Variants in CDA observed in about 807,000 individuals in gnomAD.
CDA encodes cytidine aminohydrolase.
In CDA, 7 loss-of-function variants were observed where a neutral mutation model predicts 15.0. That is an observed-to-expected ratio of 0.47 (90% CI 0.26 to 0.87). The LOEUF is 0.87. Ranked by LOEUF, CDA falls within the 40% of genes least tolerant of loss-of-function variation. CDA has a pLI of 0.15. For missense variants in CDA, 159 were observed against 182.7 expected, an observed-to-expected ratio of 0.87 and a Z score of 0.75; for synonymous variants, 58 against 73.0, an observed-to-expected ratio of 0.79 and a Z score of 1.05.
intron 1 of CDA, among the ~76,000 whole-genome samples, chr1:20,600,131 G>C (rs2052628585): frequency 6.6e-6 from 1 of 152,210 alleles, no homozygotes; most frequent in South Asian, 2.1e-4. Context: ...AGTAAAGGAA[G>C]ATTTCTGTCT....
intron 1 of CDA, among the ~76,000 whole-genome samples, chr1:20,601,724 C>T (rs542630910): frequency 6.6e-6 from 1 of 152,162 alleles, no homozygotes; most frequent in South Asian, 2.1e-4. Flanking sequence ...AATGAAGGGA[C>T]CAGAAAATAT....
chr1:20,591,059 G>A (rs979150484), intron 1 of CDA, among the ~76,000 whole-genome samples: 5 of 152,198 alleles, frequency 3.3e-5, no homozygotes, highest in Admixed American at 1.3e-4. Flanking sequence ...ACCCACAATA[G>A]TCGGGCATGG....
intron 3 of CDA, among the ~76,000 whole-genome samples, chr1:20,616,042 C>T (rs533805900): frequency 2.6e-5 from 4 of 152,024 alleles, no homozygotes. Flanking sequence ...AATCCCCTCC[C>T]CAAGACTGAG....
chr1:20,617,328 G>T (rs922043974), intron 3 of CDA, among the ~76,000 whole-genome samples: 3 of 152,190 alleles, frequency 2.0e-5, no homozygotes, highest in African/African-American at 4.8e-5. Context: ...CATCATGATA[G>T]CACCTACCTC....
chr1:20,603,036 G>T (rs533537487), intron 1 of CDA, among the ~76,000 whole-genome samples: 1 of 152,318 alleles, frequency 6.6e-6, no homozygotes, highest in Admixed American at 6.5e-5. Flanking sequence ...AAATTTCAGT[G>T]GTGGGTACCA....
chr1:20,610,310 A>ATTT (rs139325059), intron 2 of CDA, among the ~76,000 whole-genome samples: 1 of 129,250 alleles, frequency 7.7e-6, no homozygotes, highest in Non-Finnish European at 1.6e-5. Flanking sequence ...ATTTATTTTT[A>ATTT]TTTTTTTTTG....
chr1:20,612,414 C>T (rs1348075464), intron 2 of CDA, among the ~76,000 whole-genome samples: 6 of 119,920 alleles, frequency 5.0e-5, no homozygotes, highest in Non-Finnish European at 1.1e-4. Context: ...TTGTTCCTTC[C>T]CCACCCCAAC....
rs765721074 is a variant in CDA at position 20,589,152 on chromosome 1, G to A, written c.23G>A (p.Cys8Tyr). The change falls in exon 1 of 4, where the codon TGC becomes TAC. Residue 8 changes from cysteine to tyrosine, a missense_variant. Physicochemically the swap from Cys to Tyr is radical, Grantham distance 194 (BLOSUM62 -2). Coordinates refer to ENST00000375071, the MANE Select transcript of CDA (RefSeq NM_001785.3). Reference protein sequence around the residue: MAQKRPACTLKPECVQQL... With the variant: MAQKRPAYTLKPECVQQL... ...AACATGGCCCAGAAGCGTCCTGCCT[G>A]CACCCTGAAGCCTGAGTGTGTCCAG... The A allele has an allele frequency of 1.2e-6, 2 of 1,614,146 alleles. No homozygotes were observed. Among genetic ancestry groups the A allele is most frequent in the South Asian group, 2.2e-5 (2 of 91,086 alleles).
At chr1:20,611,887 G>A (rs1462036778) in intron 2 of CDA, among the ~76,000 whole-genome samples, 1 of 151,978 alleles carries the variant, frequency 6.6e-6, no homozygotes, top group African/African-American at 2.4e-5. Flanking sequence ...TTTTGAGACA[G>A]GGTCTCACTC....
intron 3 of CDA, among the ~76,000 whole-genome samples, chr1:20,617,217 A>T (rs2052820557): frequency 6.6e-6 from 1 of 152,134 alleles, no homozygotes; most frequent in African/African-American, 2.4e-5. Context: ...CACACAGCAA[A>T]CAAACAGTGC....
Position 20,593,954 on chromosome 1 carries a change from G to A in CDA, c.154+4671G>A, listed in dbSNP as rs534553000. On this transcript the variant is annotated intron_variant, in intron 1 of 3. Transcript: ENST00000375071. ...GGGTGGATGCAGTAAGTTGGGGCTT[G>A]GAGCAGGGGGCACCTGGACACCCAG... Among the ~76,000 whole-genome samples, 3 of 152,314 alleles carry A rather than the reference G, an allele frequency of 2.0e-5. No individual in the cohort carries two copies. In the East Asian group the frequency reaches 5.8e-4, roughly 29 times the overall value.
rs2052844777 is a variant in CDA, at chr1:20,618,723, C to T, written c.*155C>T. Reference sequence around the variant, plus strand: ...TACACTCCAGCCTGAGTCAGCACCCCTCCTAGCAACCTGCCTTGGGACTTA... The same window carrying T: ...TACACTCCAGCCTGAGTCAGCACCCTTCCTAGCAACCTGCCTTGGGACTTA... On this transcript the variant is annotated 3_prime_UTR_variant, in exon 4 of 4. Coordinates refer to ENST00000375071, the MANE Select transcript of CDA (RefSeq NM_001785.3). 3 of 663,498 alleles carry T rather than the reference C, an allele frequency of 4.5e-6. No individual in the cohort carries two copies. Among genetic ancestry groups the T allele is most frequent in the East Asian group, 5.6e-5 (2 of 35,784 alleles). The allele number at this position is 663,498 out of a possible 1,614,324, so 41.1% of individuals were successfully genotyped here. A position where few individuals can be genotyped will look rare whatever the true frequency, so the allele number is the denominator to read the frequency against.
At chr1:20,594,823 G>T (rs1014845478) in intron 1 of CDA, among the ~76,000 whole-genome samples, 2 of 151,518 alleles carry the variant, frequency 1.3e-5, no homozygotes, top group African/African-American at 4.8e-5. Context: ...TAAAAGAAAA[G>T]AAAGAAAGCA....
At chr1:20,614,488 C>T (rs985643219) in intron 3 of CDA, among the ~76,000 whole-genome samples, 24 of 152,304 alleles carry the variant, frequency 1.6e-4, no homozygotes, top group African/African-American at 2.2e-4. Context: ...TGAGCCATTA[C>T]GACAAAGGCC....
rs1343318255 is a variant in CDA at position 20,613,838 on chromosome 1, C to G, written c.267-4C>G. 9.3e-6 allele frequency: 15 copies of G among 1,613,746 alleles called. No homozygotes were observed. Among genetic ancestry groups the G allele is most frequent in the Admixed American group, 1.7e-5 (1 of 60,014 alleles). On this transcript the variant is annotated splice_region_variant and splice_polypyrimidine_tract_variant and intron_variant, in intron 2 of 3. Transcript: ENST00000375071. Reference sequence around the variant, plus strand: ...AATTTGAGTTTGATTCTTTGCTTCCCCAGTGACATGCAAGATGATTTTATC... The same window carrying G: ...AATTTGAGTTTGATTCTTTGCTTCCGCAGTGACATGCAAGATGATTTTATC...
chr1:20,616,542 G>A (rs1457700684), intron 3 of CDA, among the ~76,000 whole-genome samples: 1 of 152,076 alleles, frequency 6.6e-6, no homozygotes, highest in Admixed American at 6.6e-5. Context: ...CTGCACGGTG[G>A]AAATGTCGAA....
intron 1 of CDA, among the ~76,000 whole-genome samples, chr1:20,600,571 C>T (rs1205327022): frequency 6.6e-6 from 1 of 152,002 alleles, no homozygotes; most frequent in Non-Finnish European, 1.5e-5. Flanking sequence ...GCCTGAACAA[C>T]ATGGTGAAAC....
chr1:20,605,090 C>T, intron 2 of CDA, 51 bp downstream of exon 2: 11 of 1,051,936 alleles, frequency 1.0e-5, no homozygotes, highest in Non-Finnish European at 1.6e-5. Flanking sequence ...CTTTAGCCAA[C>T]ATCTTCCTTA....
intron 1 of CDA, among the ~76,000 whole-genome samples, chr1:20,602,600 T>A (rs577056398): frequency 6.6e-6 from 1 of 152,224 alleles, no homozygotes; most frequent in South Asian, 2.1e-4. Context: ...ATTTTTGTAT[T>A]TTTAGTAGAC....
Sources: allele counts gnomAD v4.1 joint callset (sites outside exome capture counted in the v4.1 genomes callset), GRCh38; gene constraint gnomAD v4.1.1; transcripts MANE v1.5; gene names NCBI Gene and HGNC (gene_info 2026-07-23, HGNC 2026-07-21).